Variants in KY observed in about 807,000 individuals in gnomAD.
KY encodes the protein kyphoscoliosis peptidase.
Under a neutral mutation model 76.1 loss-of-function variants are expected in KY, and 43 were observed. That is an observed-to-expected ratio of 0.57 (90% confidence interval 0.44 to 0.73). The LOEUF is 0.73. Ranked by LOEUF, KY falls within the 30% of genes least tolerant of loss-of-function variation. KY has a pLI of 0.00. For synonymous variants in KY, 277 were observed against 326.2 expected (o/e 0.85, Z 1.63); for missense variants, 722 against 828.9 (o/e 0.87, Z 1.58).
chr3:134,621,397 T>C (rs1424140178), intron 6 of KY, among the ~76,000 whole-genome samples: 2 of 152,134 alleles, frequency 1.3e-5, no homozygotes, highest in African/African-American at 4.8e-5. Context: ...CAACTGAGAG[T>C]CCAGAAATGG....
At chr3:134,612,017 A>C (rs1960558242) in intron 8 of KY, among the ~76,000 whole-genome samples, 1 of 152,242 alleles carries the variant, frequency 6.6e-6, no homozygotes, top group Non-Finnish European at 1.5e-5. Context: ...CCCAGCCATC[A>C]GTGTTTCTTC....
At position 134,620,844 on chromosome 3, in the gene KY, C is replaced by A; in HGVS notation, c.497G>T (p.Ser166Ile). ...DIYASQVTAK[S>I]GLDELVSDLL... ...GTCACTCACCAGTTCGTCTAGGCCACTCTTGGCTGTCACCTGGGGAGCAGG... is the reference window on the plus strand; with the variant it reads ...GTCACTCACCAGTTCGTCTAGGCCAATCTTGGCTGTCACCTGGGGAGCAGG... The change falls in exon 7 of 11, where the codon AGT (serine) becomes ATT (isoleucine). Residue 166 changes from serine (S) to isoleucine (I), a missense_variant. Ser to Ile is a moderately radical substitution (Grantham distance 142, BLOSUM62 -2). Around this residue, in one of 2 missense-constraint regions of KY, gnomAD observed 552 missense variants for 680.9 expected, o/e 0.81. Coordinates refer to ENST00000423778, the MANE Select transcript of KY (RefSeq NM_178554.6). 1 of 1,611,412 alleles carries A rather than the reference C, an allele frequency of 6.2e-7. No individual in the cohort carries two copies. The highest frequency in any genetic ancestry group is 8.5e-7 in the Non-Finnish European group (1 of 1,178,592).
In KY at chr3:134,603,702, G is replaced by A. The variant is rs778397083; in HGVS notation, c.1863C>T (p.His621=). The A allele has an allele frequency of 1.9e-5, 31 of 1,613,878 alleles. No individual in the cohort carries two copies. Among genetic ancestry groups the A allele is most frequent in the East Asian group, 4.5e-5 (2 of 44,878 alleles). ...GQDTWPLTLN[H]EGYWEGSCST... The stretch of plus-strand genomic sequence containing the variant: ...TGCAGCTTCCCTCCCAGTAGCCCTC[G>A]TGGTTCAGGGTCAGGGGCCATGTGT... The change falls in exon 11 of 11, where the codon CAC becomes CAT. Residue 621 remains histidine, a synonymous_variant. Transcript: ENST00000423778.
rs79247624 is a variant in KY at position 134,601,263 on chromosome 3, A to C, written c.*2316T>G. The C allele has an allele frequency of 9.2e-5, 2 of 21,850 alleles. No homozygotes were observed. The highest frequency in any genetic ancestry group is 0.019 in the East Asian group (2 of 106). 1.4% of individuals were successfully genotyped at this position (21,850 alleles called of 1,614,324 possible). On this transcript the variant is annotated 3_prime_UTR_variant, in exon 11 of 11. Coordinates refer to ENST00000423778, the MANE Select transcript of KY (RefSeq NM_178554.6). ...GGGGGTGCCTAGTTAAACGAGAGGG[A>C]GGGGCTTGCTGATGCCCTGCGGTGC...
At chr3:134,614,287 A>T (rs911744816) in intron 8 of KY, among the ~76,000 whole-genome samples, 7 of 152,066 alleles carry the variant, frequency 4.6e-5, no homozygotes, top group African/African-American at 1.7e-4. Context: ...ACCCAAGGAG[A>T]TTTATTTAAT....
At chr3:134,617,854 G>C (rs1312850511) in intron 8 of KY, among the ~76,000 whole-genome samples, 1 of 152,110 alleles carries the variant, frequency 6.6e-6, no homozygotes, top group Non-Finnish European at 1.5e-5. Context: ...TGGAAACTTG[G>C]CTGAGGTCAG....
At position 134,627,773 on chromosome 3, in the gene KY, C is replaced by T. The variant is rs1577710091; in HGVS notation, c.383G>A (p.Gly128Glu). The change falls in exon 5 of 11, where the codon GGA becomes GAA. Residue 128 changes from glycine (G) to glutamate (E), a missense_variant. Coordinates refer to ENST00000423778, the MANE Select transcript of KY (RefSeq NM_178554.6). Reference protein sequence around the residue: ...KNGNTRPRQPGGKDAHAYPWD... With the variant: ...KNGNTRPRQPEGKDAHAYPWD... ...GAACTTACCATGGGCATCTTTCCCT[C>T]CAGGTTGCCGGGGTCTTGTGTTTCC... 6.2e-7 allele frequency: 1 copy of T among 1,613,908 alleles called. No individual in the cohort carries two copies. Among genetic ancestry groups the T allele is most frequent in the East Asian group, 2.2e-5 (1 of 44,880 alleles).
At chr3:134,628,816 C>G (rs553803330) in intron 4 of KY, among the ~76,000 whole-genome samples, 1 of 152,314 alleles carries the variant, frequency 6.6e-6, no homozygotes, top group South Asian at 2.1e-4. Context: ...CAAGGTCACA[C>G]AGCTGAAACA....
At chr3:134,642,677 A>C (rs906241416) in intron 3 of KY, among the ~76,000 whole-genome samples, 10 of 152,204 alleles carry the variant, frequency 6.6e-5, no homozygotes, top group African/African-American at 2.2e-4. Flanking sequence ...GCTCAGTCTC[A>C]GCAGGAGAGG....
intron 6 of KY, among the ~76,000 whole-genome samples, chr3:134,624,178 C>A (rs563797984): frequency 6.6e-6 from 1 of 152,166 alleles, no homozygotes; most frequent in African/African-American, 2.4e-5. Flanking sequence ...CCCTCTCCCC[C>A]ACCTCCCACC....
chr3:134,609,507 A>C (rs1182505287), intron 9 of KY, among the ~76,000 whole-genome samples: 2 of 152,140 alleles, frequency 1.3e-5, no homozygotes, highest in African/African-American at 4.8e-5. Context: ...TAAGGTGCAA[A>C]AATCGAGAGA....
chr3:134,608,496 C>T (rs949860797), intron 10 of KY, 153 bp downstream of exon 10: 6 of 1,551,882 alleles, frequency 3.9e-6, no homozygotes, highest in Non-Finnish European at 5.2e-6. Context: ...AGCCTCCACT[C>T]ATCCACATGC....
At chr3:134,609,050 C>G (rs1266951475) in intron 9 of KY, among the ~76,000 whole-genome samples, 1 of 152,186 alleles carries the variant, frequency 6.6e-6, no homozygotes, top group Non-Finnish European at 1.5e-5. Flanking sequence ...AAGGCCACAG[C>G]CTGCAACTGT....
chr3:134,618,593 C>G (rs1962014313), intron 8 of KY, among the ~76,000 whole-genome samples: 1 of 149,024 alleles, frequency 6.7e-6, no homozygotes, highest in African/African-American at 2.5e-5. Context: ...GGCCTGTTCT[C>G]CTGCTCAGGC....
chr3:134,612,534 G>A (rs1166125475), intron 8 of KY, among the ~76,000 whole-genome samples: 2 of 152,182 alleles, frequency 1.3e-5, no homozygotes, highest in African/African-American at 2.4e-5. Flanking sequence ...GAAACAGCTA[G>A]CAGAGAAGGA....
intron 8 of KY, chr3:134,615,204 G>A (rs1440531511): frequency 2.0e-5 from 3 of 152,500 alleles, no homozygotes; most frequent in African/African-American, 4.8e-5. Flanking sequence ...AGAACCTCAT[G>A]AGACGTGACT....
At chr3:134,605,267 G>A (rs77911712) in intron 10 of KY, among the ~76,000 whole-genome samples, 3,133 of 152,256 alleles carry the variant, frequency 0.021, 49 homozygotes, top group South Asian at 0.038. Flanking sequence ...GCCACAGGGA[G>A]GGACCGTGGC....
intron 8 of KY, among the ~76,000 whole-genome samples, chr3:134,611,894 C>T (rs1560106324): frequency 6.6e-6 from 1 of 152,228 alleles, no homozygotes; most frequent in Non-Finnish European, 1.5e-5. Context: ...TAAAAATGAA[C>T]ATGTAATTTA....
intron 1 of KY, among the ~76,000 whole-genome samples, chr3:134,648,379 C>A (rs965247272): frequency 1.3e-5 from 2 of 152,174 alleles, no homozygotes; most frequent in Non-Finnish European, 2.9e-5. Context: ...CAGTGACTTA[C>A]CACTTGGAAC....
Sources: gnomAD v4.1 joint callset for allele counts (sites outside exome capture counted in the v4.1 genomes callset) on GRCh38, gnomAD v4.1.1 for gene constraint, gnomAD v4.1.1 regional missense constraint, MANE v1.5 for transcripts, NCBI Gene and HGNC (gene_info 2026-07-23, HGNC 2026-07-21) for gene names.